The following ITGA2 variants were observed in gnomAD, a reference collection of about 807,000 sequenced individuals.
ITGA2 encodes integrin alpha-2.
Under a neutral mutation model 146.3 loss-of-function variants are expected in ITGA2, and 101 were observed. The observed-to-expected ratio is 0.69, with a 90% CI of 0.59 to 0.81. The LOEUF (loss-of-function observed/expected upper bound fraction) is 0.81. Among genes scored for constraint, ITGA2 ranks in the 40% least tolerant of loss-of-function variants. ITGA2 has a pLI of 0.00. For synonymous variants in ITGA2, 477 were observed against 487.1 expected (o/e 0.98, Z 0.27); for missense variants, 1,281 against 1,402.7 (o/e 0.91, Z 1.39).
intron 4 of ITGA2, among the ~76,000 whole-genome samples, chr5:53,048,156 G>A (rs993431370): frequency 3.3e-5 from 5 of 152,060 alleles, no homozygotes; most frequent in South Asian, 2.1e-4. Context: ...TCCTCCTCCC[G>A]CAAGGCTTGC....
At chr5:53,070,310 G>A (rs1745331006) in intron 17 of ITGA2, 50 bp downstream of exon 17, 2 of 1,593,410 alleles carry the variant, frequency 1.3e-6, no homozygotes, top group Admixed American at 1.7e-5. Context: ...CTAAAGACGA[G>A]AGAGTGGTAA....
chr5:53,090,569 G>C lies in ITGA2; in HGVS notation c.3516G>C (p.Glu1172Asp). Reference sequence around the variant, plus strand: ...AAAAGATGACCAAAAATCCAGATGAGATTGATGAGACCACAGAGCTCAGTA... The same window carrying C: ...AAAAGATGACCAAAAATCCAGATGACATTGATGAGACCACAGAGCTCAGTA... ...KYEKMTKNPDEIDETTELSS is the reference protein window; with the variant it reads ...KYEKMTKNPDDIDETTELSS The change falls in exon 30 of 30, where the codon GAG (glutamate) becomes GAC (aspartate). Residue 1172 changes from glutamate (E) to aspartate (D), a missense_variant. Transcript: ENST00000296585. 2 of 1,614,114 alleles carry C rather than the reference G, an allele frequency of 1.2e-6. No individual in the cohort carries two copies. Among genetic ancestry groups the C allele is most frequent in the Non-Finnish European group, 1.7e-6 (2 of 1,179,994 alleles).
At position 53,083,442 on chromosome 5, in the gene ITGA2, A is replaced by C; in HGVS notation, c.3247A>C (p.Thr1083Pro). Residue 1083 changes from threonine to proline, a missense_variant, in exon 27 of 30, where the codon ACT (threonine) becomes CCT (proline). Thr to Pro is a conservative substitution (Grantham distance 38). This residue lies in a region of ITGA2 where 475 missense variants were observed against 530.5 expected (regional missense o/e 0.90). Transcript: ENST00000296585. Reference protein sequence around the residue: ...VNVTTRIWNGTFASSTFQTVQ... With the variant: ...VNVTTRIWNGPFASSTFQTVQ... ...TGTGACTACCAGAATTTGGAACGGGACTTTCGCATCAGTAAGTATCAGTTT... is the reference window on the plus strand; with the variant it reads ...TGTGACTACCAGAATTTGGAACGGGCCTTTCGCATCAGTAAGTATCAGTTT... 1 of 1,582,840 alleles carries C rather than the reference A, an allele frequency of 6.3e-7. No individual in the cohort carries two copies. The highest frequency in any genetic ancestry group is 8.7e-7 in the Non-Finnish European group (1 of 1,151,550).
At chr5:53,009,521 C>T (rs1037290904) in intron 1 of ITGA2, among the ~76,000 whole-genome samples, 1 of 152,094 alleles carries the variant, frequency 6.6e-6, no homozygotes, top group Non-Finnish European at 1.5e-5. Flanking sequence ...GGATATTTAG[C>T]TGAGCAAATT....
chr5:53,007,820 A>G (rs561827718), intron 1 of ITGA2, among the ~76,000 whole-genome samples: 4 of 152,268 alleles, frequency 2.6e-5, no homozygotes, highest in African/African-American at 9.6e-5. Flanking sequence ...TGAAGATTGA[A>G]TTTTTGAAAT....
chr5:53,041,201 A>G (rs1743783361), intron 2 of ITGA2, among the ~76,000 whole-genome samples: 2 of 152,096 alleles, frequency 1.3e-5, no homozygotes, highest in African/African-American at 4.8e-5. Flanking sequence ...TAAAGATCAA[A>G]CTGATACCTG....
chr5:53,087,948 G>C (rs1740190437), intron 28 of ITGA2, among the ~76,000 whole-genome samples: 2 of 152,188 alleles, frequency 1.3e-5, no homozygotes, highest in African/African-American at 4.8e-5. Context: ...CTCCATGCCT[G>C]AGAGTGAAGC....
intron 28 of ITGA2, chr5:53,089,574 G>A (rs188634419): frequency 7.5e-4 from 150 of 200,968 alleles, no homozygotes; most frequent in Non-Finnish European, 1.1e-3. Flanking sequence ...GAGTTTCTTC[G>A]ACTCCCTTCC....
At position 53,091,006 on chromosome 5, in the gene ITGA2, ACAGAAG is replaced by A; in HGVS notation, c.*408_*413del. Reference sequence around the variant, plus strand: ...AAATATTTGTCTTTAAACAGCAACTACAGAAGTGGAAGTGCTTGATATGTAAGTACT... The same window carrying A: ...AAATATTTGTCTTTAAACAGCAACTATGGAAGTGCTTGATATGTAAGTACT... On this transcript the variant is annotated 3_prime_UTR_variant, in exon 30 of 30. Transcript: ENST00000296585. 2 of 431,600 alleles carry A rather than the reference ACAGAAG, an allele frequency of 4.6e-6. No homozygotes were observed. The highest frequency in any genetic ancestry group is 1.0e-4 in the South Asian group (2 of 19,858). 26.7% of individuals were successfully genotyped at this position (431,600 alleles called of 1,614,324 possible). A position where few individuals can be genotyped will look rare whatever the true frequency, so the allele number is the denominator to read the frequency against.
At chr5:53,033,045 A>G (rs1579826142) in intron 2 of ITGA2, among the ~76,000 whole-genome samples, 1 of 152,150 alleles carries the variant, frequency 6.6e-6, no homozygotes, top group South Asian at 2.1e-4. Context: ...AGGCGGGCGG[A>G]TCACTTGAGG....
intron 3 of ITGA2, among the ~76,000 whole-genome samples, chr5:53,044,585 A>G (rs1027107731): frequency 6.6e-6 from 1 of 152,040 alleles, no homozygotes; most frequent in Admixed American, 6.6e-5. Flanking sequence ...GCCAGATTCT[A>G]TCATAGGGCA....
intron 24 of ITGA2, among the ~76,000 whole-genome samples, chr5:53,080,113 C>A (rs1745844318): frequency 6.6e-6 from 1 of 152,162 alleles, no homozygotes. Flanking sequence ...CCCAGCTCCA[C>A]AGATGGCATT....
At chr5:53,031,683 G>T (rs1743230768) in intron 2 of ITGA2, among the ~76,000 whole-genome samples, 2 of 152,104 alleles carry the variant, frequency 1.3e-5, no homozygotes, top group South Asian at 2.1e-4. Context: ...GATAATTCTG[G>T]AGCCTTTTTA....
At chr5:53,067,755 T>C (rs1222104353) in intron 16 of ITGA2, among the ~76,000 whole-genome samples, 2 of 151,960 alleles carry the variant, frequency 1.3e-5, no homozygotes, top group African/African-American at 4.8e-5. Flanking sequence ...ATGTTCTAAA[T>C]AATACAGAGA....
At chr5:53,066,345 A>G (rs1402992089) in intron 15 of ITGA2, among the ~76,000 whole-genome samples, 1 of 151,904 alleles carries the variant, frequency 6.6e-6, no homozygotes, top group African/African-American at 2.4e-5. Context: ...TTCAGACCAC[A>G]CAAGTAAAGT....
intron 2 of ITGA2, among the ~76,000 whole-genome samples, chr5:53,039,310 A>G (rs1330434482): frequency 1.0e-4 from 8 of 79,426 alleles, no homozygotes; most frequent in Admixed American, 7.1e-4. Context: ...TTTGTTTGAG[A>G]AAAAAAATGC....
chr5:53,080,765 A>G, intron 25 of ITGA2, 144 bp downstream of exon 25: 1 of 673,416 alleles, frequency 1.5e-6, no homozygotes, highest in Non-Finnish European at 2.7e-6. Context: ...CTAGCAGTTA[A>G]TTTCATATTA....
At chr5:52,991,001 A>G (rs1392594679) in intron 1 of ITGA2, among the ~76,000 whole-genome samples, 1 of 152,180 alleles carries the variant, frequency 6.6e-6, no homozygotes, top group African/African-American at 2.4e-5. Context: ...TCATTTTCTT[A>G]TCTTTGAAAT....
In ITGA2 at chr5:53,039,342, C is replaced by T. The variant is rs563969703; in HGVS notation, c.186-2770C>T. Among the ~76,000 whole-genome samples, 9 of 152,196 alleles carry T rather than the reference C, an allele frequency of 5.9e-5. No homozygotes were observed. The South Asian group carries it at 8.3e-4, about 14-fold the overall frequency. On this transcript the variant is annotated intron_variant, in intron 2 of 29. Transcript: ENST00000296585. ...ATGCCAGTTTGGTGCGTAGTAGATA[C>T]GCAGAGGCTGAGAAAGGAACAGATG...
Sources: allele counts gnomAD v4.1 joint callset (sites outside exome capture counted in the v4.1 genomes callset), GRCh38; gene constraint gnomAD v4.1.1; regional missense constraint gnomAD v4.1.1; transcripts MANE v1.5; gene names NCBI Gene and HGNC (gene_info 2026-07-23, HGNC 2026-07-21).